Variants in NKTR observed in about 807,000 individuals in gnomAD.
The protein encoded by NKTR is NK-tumor recognition protein.
Under a neutral mutation model 156.3 loss-of-function variants are expected in NKTR, and 67 were observed. The ratio of observed to expected loss-of-function variants is 0.43; its 90% confidence interval spans 0.35 to 0.53. NKTR has a LOEUF of 0.53. NKTR is among the 20% of genes least tolerant of loss of function. The pLI is 0.01. For synonymous variants in NKTR, 640 were observed against 596.6 expected, an observed-to-expected ratio of 1.07 and a Z score of -1.06; for missense variants, 1,604 against 1,730.9, an observed-to-expected ratio of 0.93 and a Z score of 1.30.
At chr3:42,643,824 C>A in intron 15 of NKTR, 78 bp from the exon 16 acceptor site, 1 of 1,012,248 alleles carries the variant, frequency 9.9e-7, no homozygotes, top group Non-Finnish European at 1.5e-6. Flanking sequence ...TAGAACACTC[C>A]TGAGATCCTA....
Position 42,638,847 on chromosome 3 carries a change from A to G in NKTR, c.3143A>G (p.Asn1048Ser). The G allele has an allele frequency of 6.2e-7, 1 of 1,603,914 alleles. No individual in the cohort carries two copies. The change falls in exon 13 of 17, where the codon AAT becomes AGT. Residue 1048 changes from asparagine (N) to serine (S), a missense_variant. By Grantham distance (46) the Asn-to-Ser change is conservative. Transcript: ENST00000232978. ...ESKEKKVSEN[N>S]ETIKDNILKT... ...AAAGAGAAAAAAGTTTCTGAAAACAATGAAACCATAAAAGATAATATTCTA... is the reference window on the plus strand; with the variant it reads ...AAAGAGAAAAAAGTTTCTGAAAACAGTGAAACCATAAAAGATAATATTCTA...
At chr3:42,607,879 G>A (rs1706373994) in intron 2 of NKTR, among the ~76,000 whole-genome samples, 1 of 149,820 alleles carries the variant, frequency 6.7e-6, no homozygotes, top group Non-Finnish European at 1.5e-5. Context: ...TATCTACCTG[G>A]AGTTAGTGTC....
intron 6 of NKTR, among the ~76,000 whole-genome samples, chr3:42,626,474 A>G (rs1397047409): frequency 2.0e-5 from 3 of 152,162 alleles, no homozygotes. Flanking sequence ...ATTGTGGCTA[A>G]GATTTGACTG....
chr3:42,633,399 TC>T, intron 9 of NKTR, 180 bp from the exon 10 acceptor site: 1 of 1,367,308 alleles, frequency 7.3e-7, no homozygotes, highest in East Asian at 2.8e-5. Context: ...CTATCAAAAT[TC>T]TAGTCTTTGG....
chr3:42,600,931 CT>C, intron 1 of NKTR, 52 bp from the exon 2 acceptor site: 2 of 1,192,972 alleles, frequency 1.7e-6, no homozygotes, highest in Admixed American at 3.0e-5. Flanking sequence ...CGCCCCTGCC[CT>C]CGCCCCCGCC....
At chr3:42,602,193 T>C (rs544957416) in intron 2 of NKTR, 1 of 152,326 alleles carries the variant, frequency 6.6e-6, no homozygotes, top group South Asian at 2.1e-4. Flanking sequence ...AACTTTTTAA[T>C]GTTTAGCTGT....
In NKTR at chr3:42,614,646, A is replaced by T. The variant is rs1707172790; in HGVS notation, c.59-2924A>T. Among the ~76,000 whole-genome samples, 4 of 152,256 alleles carry T rather than the reference A, an allele frequency of 2.6e-5. No individual in the cohort carries two copies. In the South Asian group the frequency reaches 8.3e-4, roughly 32 times the overall value. Reference sequence around the variant, plus strand: ...GTGTTCAATCTCAGGATTTAATTTGAAGGGAATTAATACTAGGTTACCTCT... The same window carrying T: ...GTGTTCAATCTCAGGATTTAATTTGTAGGGAATTAATACTAGGTTACCTCT... On this transcript the variant is annotated intron_variant, in intron 2 of 16. Transcript: ENST00000232978.
intron 16 of NKTR, among the ~76,000 whole-genome samples, chr3:42,645,666 AAG>A (rs1345196573): frequency 1.3e-5 from 2 of 152,148 alleles, no homozygotes; most frequent in African/African-American, 4.8e-5. Flanking sequence ...CCTGGGCAAA[AAG>A]AGTGAAACTC....
chr3:42,623,550 C>G (rs1708110100), intron 6 of NKTR, among the ~76,000 whole-genome samples: 1 of 151,956 alleles, frequency 6.6e-6, no homozygotes, highest in South Asian at 2.1e-4. Flanking sequence ...CATATCCTTG[C>G]ATTTATGGGA....
Position 42,619,002 on chromosome 3 carries a change from T to C in NKTR, c.134-18T>C. 6.8e-7 allele frequency: 1 copy of C among 1,471,056 alleles called. No homozygotes were observed. 91.1% of individuals were successfully genotyped at this position (1,471,056 alleles called of 1,614,324 possible). On this transcript the variant is annotated intron_variant, in intron 3 of 16. Transcript: ENST00000232978. Reference sequence around the variant, plus strand: ...TAAATAATTAAACTTCATTTCTTTTTTTTTTTTTTTTTTCCAGGAGAGAAA... The same window carrying C: ...TAAATAATTAAACTTCATTTCTTTTCTTTTTTTTTTTTTCCAGGAGAGAAA...
At chr3:42,641,328 A>G (rs1709866764) in intron 13 of NKTR, among the ~76,000 whole-genome samples, 1 of 152,198 alleles carries the variant, frequency 6.6e-6, no homozygotes, top group Admixed American at 6.5e-5. Context: ...GAAGCAGGTC[A>G]TGTCTTCCAA....
chr3:42,614,678 G>A (rs1345112196), intron 2 of NKTR, among the ~76,000 whole-genome samples: 1 of 152,122 alleles, frequency 6.6e-6, no homozygotes, highest in Admixed American at 6.5e-5. Context: ...CTCTTTATAG[G>A]TATAAATCAT....
At chr3:42,614,985 C>G (rs1205743908) in intron 2 of NKTR, among the ~76,000 whole-genome samples, 1 of 151,870 alleles carries the variant, frequency 6.6e-6, no homozygotes, top group Non-Finnish European at 1.5e-5. Context: ...AAAACCTCTA[C>G]TCTATCCTTT....
intron 4 of NKTR, chr3:42,619,361 A>G: frequency 8.4e-7 from 1 of 1,190,110 alleles, no homozygotes. Flanking sequence ...ATAGTTACTT[A>G]GTGAATTCCT....
At position 42,622,317 on chromosome 3, in the gene NKTR, T is replaced by C. The variant is rs536326435; in HGVS notation, c.374+801T>C. 3.2e-3 allele frequency among the ~76,000 whole-genome samples: 482 copies of C among 152,218 alleles called. 1 individual carries two copies. Among genetic ancestry groups the C allele is most frequent in the Non-Finnish European group, 5.2e-3 (350 of 67,920 alleles). On this transcript the variant is annotated intron_variant, in intron 6 of 16. Transcript: ENST00000232978. Reference sequence around the variant, plus strand: ...TTTATCATAATTCTATCATATAAAATGTGAAAGATAACTGTCCAGCATGAG... The same window carrying C: ...TTTATCATAATTCTATCATATAAAACGTGAAAGATAACTGTCCAGCATGAG...
Position 42,604,659 on chromosome 3 carries a change from C to CTTTTTTTTTTTTTTTT in NKTR, c.58+3619_58+3634dup, listed in dbSNP as rs71072726. On this transcript the variant is annotated intron_variant, in intron 2 of 16. Coordinates refer to ENST00000232978, the MANE Select transcript of NKTR (RefSeq NM_005385.4). ...AATTGTGGATTTATCTATTTCTCTCCTTTTTTTTTTTTTTTTTTTTTTTTT... is the reference window on the plus strand; with the variant it reads ...AATTGTGGATTTATCTATTTCTCTCCTTTTTTTTTTTTTTTTTTTTTTTTTTTTTTTTTTTTTTTTT... 4.0e-4 allele frequency among the ~76,000 whole-genome samples: 18 copies of CTTTTTTTTTTTTTTTT among 45,292 alleles called. 6 individuals are homozygous for CTTTTTTTTTTTTTTTT. The highest frequency in any genetic ancestry group is 5.2e-4 in the Non-Finnish European group (13 of 25,130). The allele number at this position is 45,292 out of a possible 152,430, so 29.7% of individuals were successfully genotyped here.
At chr3:42,609,953 T>A (rs1213487927) in intron 2 of NKTR, among the ~76,000 whole-genome samples, 3 of 152,186 alleles carry the variant, frequency 2.0e-5, no homozygotes, top group African/African-American at 7.2e-5. Context: ...AATATGCTCT[T>A]TTTTACTTGT....
chr3:42,611,795 C>G (rs1353791042), intron 2 of NKTR, among the ~76,000 whole-genome samples: 3 of 151,810 alleles, frequency 2.0e-5, no homozygotes. Flanking sequence ...AAAAGTCTAC[C>G]TATTGATTCC....
In NKTR at chr3:42,638,277, AAAG is replaced by A; in HGVS notation, c.2576_2578del (p.Arg859del). ...GAACGGGAATGCCCTCATTCAAAAA[AAAG>A]AACTTTGAAAGAGAATCTTTCTGAT... On this transcript the variant is annotated inframe_deletion, in exon 13 of 17. Transcript: ENST00000232978. 6.2e-7 allele frequency: 1 copy of A among 1,606,806 alleles called. No individual in the cohort carries two copies. The highest frequency in any genetic ancestry group is 8.5e-7 in the Non-Finnish European group (1 of 1,178,248).
Sources: gnomAD v4.1 joint callset for allele counts (sites outside exome capture counted in the v4.1 genomes callset) on GRCh38, gnomAD v4.1.1 for gene constraint, MANE v1.5 for transcripts, NCBI Gene and HGNC (gene_info 2026-07-23, HGNC 2026-07-21) for gene names.